THRB: variants seen among roughly 807,000 people sequenced by gnomAD.
The protein encoded by THRB is nuclear receptor subfamily 1 group A member 2.
In THRB, 12 loss-of-function variants were observed where a neutral mutation model predicts 47.8. That is an observed-to-expected ratio of 0.25 (90% CI 0.16 to 0.41). THRB has a LOEUF of 0.41. Among genes scored for constraint, THRB ranks in the 10% least tolerant of loss-of-function variants. THRB has a pLI of 1.00. For missense variants in THRB, 348 were observed against 589.2 expected, an observed-to-expected ratio of 0.59 and a Z score of 4.24; for synonymous variants, 218 against 212.2, an observed-to-expected ratio of 1.03 and a Z score of -0.24.
chr3:24,317,415 G>A (rs6550857), intron 2 of THRB, among the ~76,000 whole-genome samples: 17,168 of 152,122 alleles, frequency 0.11, 2,579 homozygotes, highest in African/African-American at 0.35. Flanking sequence ...ACGGCAGAAG[G>A]TTCCCAACAC....
chr3:24,292,571 G>C (rs1165809096), intron 3 of THRB, among the ~76,000 whole-genome samples: 1 of 152,054 alleles, frequency 6.6e-6, no homozygotes, highest in Non-Finnish European at 1.5e-5. Flanking sequence ...CTTCTCCCTG[G>C]CTCGACGTTA....
intron 8 of THRB, among the ~76,000 whole-genome samples, chr3:24,139,814 C>T (rs2035204399): frequency 6.6e-6 from 1 of 152,200 alleles, no homozygotes; most frequent in African/African-American, 2.4e-5. Context: ...TGAATACTTT[C>T]AGCTTTAATG....
intron 1 of THRB, among the ~76,000 whole-genome samples, chr3:24,345,060 T>C (rs1344365646): frequency 6.6e-6 from 1 of 152,106 alleles, no homozygotes; most frequent in Non-Finnish European, 1.5e-5. Context: ...TAGTTTGTGG[T>C]TGACAATGAC....
Position 24,265,770 on chromosome 3 carries a change from T to A in THRB, c.-43+31456A>T, listed in dbSNP as rs73039666. ...GATTATTTGAGTGTATTAATTTGCT[T>A]CAAAATTATTAAAATATCATTTCAA... On this transcript the variant is annotated intron_variant, in intron 3 of 10. Transcript: ENST00000646209. 4.4e-3 allele frequency among the ~76,000 whole-genome samples: 664 copies of A among 152,256 alleles called. 3 individuals carry two copies. Among genetic ancestry groups the A allele is most frequent in the Non-Finnish European group, 7.3e-3 (493 of 67,986 alleles).
intron 1 of THRB, among the ~76,000 whole-genome samples, chr3:24,427,110 A>C (rs1340214379): frequency 6.6e-6 from 1 of 151,968 alleles, no homozygotes; most frequent in Non-Finnish European, 1.5e-5. Flanking sequence ...TTTGACAAAA[A>C]GGGGATGAGG....
intron 5 of THRB, among the ~76,000 whole-genome samples, chr3:24,177,389 G>A (rs1273926984): frequency 2.6e-5 from 4 of 151,822 alleles, no homozygotes; most frequent in South Asian, 2.1e-4. Flanking sequence ...AAAATCCTAC[G>A]AAAAAAGGGG....
intron 1 of THRB, among the ~76,000 whole-genome samples, chr3:24,483,279 T>C (rs2125896264): frequency 6.6e-6 from 1 of 152,240 alleles, no homozygotes; most frequent in Admixed American, 6.5e-5. Context: ...GAAAAGTGTG[T>C]GTCCCATTAT....
chr3:24,237,532 TCTCTTCCCCTTC>T (rs2048995665), intron 3 of THRB, among the ~76,000 whole-genome samples: 1 of 151,850 alleles, frequency 6.6e-6, no homozygotes, highest in Admixed American at 6.6e-5. Flanking sequence ...TCCTCTTCTC[TCTCTTCCCCTTC>T]CTCTTCCCCT....
At chr3:24,198,468 T>G (rs2044237178) in intron 4 of THRB, among the ~76,000 whole-genome samples, 1 of 42,934 alleles carries the variant, frequency 2.3e-5, no homozygotes, top group Non-Finnish European at 4.8e-5. Flanking sequence ...CCCCCCCCCT[T>G]TTTTTTTTAA....
At chr3:24,243,210 G>C (rs907145231) in intron 3 of THRB, among the ~76,000 whole-genome samples, 13 of 151,960 alleles carry the variant, frequency 8.6e-5, no homozygotes, top group Non-Finnish European at 1.5e-4. Context: ...CTTAGGTTTA[G>C]AGGCCCTAAA....
chr3:24,336,870 C>T (rs1378938030), intron 2 of THRB, among the ~76,000 whole-genome samples: 3 of 151,994 alleles, frequency 2.0e-5, no homozygotes, highest in Non-Finnish European at 4.4e-5. Flanking sequence ...TACAGGCGCC[C>T]ACCACCACGC....
At chr3:24,370,895 C>G (rs1360213221) in intron 1 of THRB, among the ~76,000 whole-genome samples, 5 of 152,124 alleles carry the variant, frequency 3.3e-5, no homozygotes, top group African/African-American at 1.2e-4. Flanking sequence ...CCAAATCACC[C>G]TTTGACTCAT....
intron 1 of THRB, among the ~76,000 whole-genome samples, chr3:24,415,012 T>C (rs980661393): frequency 1.3e-5 from 2 of 151,896 alleles, no homozygotes; most frequent in Admixed American, 1.3e-4. Context: ...GCACATCTTG[T>C]GAATAGAGGT....
chr3:24,235,473 C>T (rs1300020842), intron 3 of THRB, among the ~76,000 whole-genome samples: 1 of 152,070 alleles, frequency 6.6e-6, no homozygotes, highest in East Asian at 1.9e-4. Context: ...AGTTTTTCTT[C>T]TCCTTGGCTC....
rs567688162 is a variant in THRB, at chr3:24,454,806, T to C, written c.-261+39846A>G. Among the ~76,000 whole-genome samples, 15 of 152,316 alleles carry C rather than the reference T, an allele frequency of 9.8e-5. No individual in the cohort carries two copies. The South Asian group carries it at 3.1e-3, about 32-fold the overall frequency. Reference sequence around the variant, plus strand: ...ACAAGATATAAGAGATAATGTAGTCTCTGATTTTAGAGGAAAGAAAACATA... The same window carrying C: ...ACAAGATATAAGAGATAATGTAGTCCCTGATTTTAGAGGAAAGAAAACATA... On this transcript the variant is annotated intron_variant, in intron 1 of 10. Coordinates refer to ENST00000646209, the MANE Select transcript of THRB (RefSeq NM_001354712.2).
At chr3:24,261,497 C>CAAAAAAAAAAA (rs35109952) in intron 3 of THRB, among the ~76,000 whole-genome samples, 1 of 88,246 alleles carries the variant, frequency 1.1e-5, no homozygotes, top group African/African-American at 4.4e-5. Context: ...GATTCTGTCT[C>CAAAAAAAAAAA]AAAAAAAAAA....
intron 1 of THRB, among the ~76,000 whole-genome samples, chr3:24,427,220 G>A (rs2069857120): frequency 6.6e-6 from 1 of 151,982 alleles, no homozygotes; most frequent in African/African-American, 2.4e-5. Flanking sequence ...AATACCCAGT[G>A]TTTTTAAAGA....
intron 8 of THRB, among the ~76,000 whole-genome samples, chr3:24,140,034 TA>T (rs2035234996): frequency 6.6e-6 from 1 of 152,206 alleles, no homozygotes; most frequent in Non-Finnish European, 1.5e-5. Context: ...TACCTTTCAG[TA>T]CATGAATACC....
chr3:24,213,814 C>T (rs1281937312), intron 4 of THRB, among the ~76,000 whole-genome samples: 1 of 152,138 alleles, frequency 6.6e-6, no homozygotes, highest in Non-Finnish European at 1.5e-5. Flanking sequence ...AACTGGATGG[C>T]ATTTGGTTAA....
Sources: allele counts gnomAD v4.1 joint callset (sites outside exome capture counted in the v4.1 genomes callset), GRCh38; gene constraint gnomAD v4.1.1; transcripts MANE v1.5; gene names NCBI Gene and HGNC (gene_info 2026-07-23, HGNC 2026-07-21).